LAIR1: variants seen among roughly 807,000 people sequenced by gnomAD.
LAIR1 encodes the protein leukocyte-associated immunoglobulin-like receptor 1.
LAIR1 carries 24 observed loss-of-function variants against 32.8 expected under a neutral mutation model. The observed-to-expected ratio is 0.73, with a 90% CI of 0.53 to 1.03. LAIR1 has a LOEUF of 1.03. Ranked by LOEUF, LAIR1 falls within the 50% of genes least tolerant of loss-of-function variation. LAIR1 has a pLI of 0.00. For synonymous variants in LAIR1, 150 were observed against 140.5 expected (o/e 1.07, Z -0.48); for missense variants, 355 against 347.5 (o/e 1.02, Z -0.17).
chr19:54,353,872 A>C lies in LAIR1; in HGVS notation c.*1396T>G, dbSNP rs2081589898. 1 of 138,204 alleles carries C rather than the reference A, an allele frequency of 7.2e-6. No homozygotes were observed. The highest frequency in any genetic ancestry group is 7.7e-5 in the Admixed American group (1 of 12,958). The allele number at this position is 138,204 out of a possible 1,614,324, so 8.6% of individuals were successfully genotyped here. On this transcript the variant is annotated 3_prime_UTR_variant, in exon 10 of 10. Transcript: ENST00000391742. ...CTCAGCCTCCCGAGTAGCTGGGACT[A>C]CAGGCACCCACCACCACACCCGGCT... is the stretch of plus-strand genomic sequence containing the variant.
chr19:54,360,750 G>T (rs1222002751), intron 3 of LAIR1, 166 bp downstream of exon 3: 4 of 492,150 alleles, frequency 8.1e-6, no homozygotes, highest in Non-Finnish European at 1.3e-5. Flanking sequence ...CAGGTGTGAG[G>T]GCAGAGGGGA....
At chr19:54,358,834 A>G (rs1257180488) in intron 4 of LAIR1, among the ~76,000 whole-genome samples, 1,887 of 142,842 alleles carry the variant, frequency 0.013, 54 homozygotes, top group African/African-American at 0.048. Context: ...TAGAGCCAGG[A>G]GGTGGCAGAA....
intron 4 of LAIR1, among the ~76,000 whole-genome samples, chr19:54,357,825 C>G (rs1458818480): frequency 6.6e-6 from 1 of 151,858 alleles, no homozygotes; most frequent in African/African-American, 2.4e-5. Flanking sequence ...GAATGTCCTT[C>G]CCTCCTGCCT....
In LAIR1 at chr19:54,360,954, C is replaced by T; in HGVS notation, c.326G>A (p.Trp109Ter). Residue 109 changes from tryptophan to a stop codon, truncating the protein, a stop_gained, in exon 3 of 10, where the codon TGG becomes TAG. Transcript: ENST00000391742. LOFTEE classifies it high-confidence loss of function. ...CTCCAGGTAGTCACTCTGCTCAGAC[C>T]ATTTAGGGGGCTTATAATAGATGCA... ...YRCIYYKPPK[W>*]SEQSDYLELL... The T allele has an allele frequency of 1.9e-6, 3 of 1,614,204 alleles. No homozygotes were observed. Among genetic ancestry groups the T allele is most frequent in the Non-Finnish European group, 2.5e-6 (3 of 1,180,034 alleles).
chr19:54,358,088 T>C (rs954225093), intron 4 of LAIR1: 1 of 147,682 alleles, frequency 6.8e-6, no homozygotes, highest in African/African-American at 2.5e-5. Context: ...TTGTATATGA[T>C]TTATAACTTA....
chr19:54,363,907 A>G (rs2082137980), intron 2 of LAIR1, among the ~76,000 whole-genome samples: 1 of 152,250 alleles, frequency 6.6e-6, no homozygotes, highest in Middle Eastern at 3.4e-3. Context: ...ATAATAATTT[A>G]TTGTATATTT....
At chr19:54,356,049 G>A (rs768179114) in intron 8 of LAIR1, 43 bp from the exon 9 acceptor site, 21 of 1,515,202 alleles carry the variant, frequency 1.4e-5, no homozygotes, top group East Asian at 6.8e-5. Flanking sequence ...GGAGGATGTC[G>A]CAAGGCAAAT....
At chr19:54,357,480 G>GATC (rs2081778075) in intron 4 of LAIR1, 1 of 152,938 alleles carries the variant, frequency 6.5e-6, no homozygotes, top group Non-Finnish European at 1.5e-5. Context: ...CCCTCTGACG[G>GATC]GGATGTAACC....
At chr19:54,373,457 T>C (rs1230444749), upstream of LAIR1, among the ~76,000 whole-genome samples, 1 of 151,862 alleles carries the variant, frequency 6.6e-6, no homozygotes, top group Non-Finnish European at 1.5e-5. Context: ...AATAAATAAA[T>C]AAATAAAATA....
At position 54,360,987 on chromosome 19, in the gene LAIR1, A is replaced by G. The variant is rs79046875; in HGVS notation, c.293T>C (p.Leu98Pro). The G allele has an allele frequency of 0.99, 1,596,014 of 1,614,234 alleles. 789,516 individuals are homozygous for G. The highest frequency in any genetic ancestry group is 1 in the Non-Finnish European group (1,179,166 of 1,180,040). Residue 98 changes from leucine to proline, a missense_variant, in exon 3 of 10, where the codon CTT (leucine) becomes CCT (proline). Physicochemically the swap from Leu to Pro is moderately conservative, Grantham distance 98 (BLOSUM62 -3). Coordinates refer to ENST00000391742, the MANE Select transcript of LAIR1 (RefSeq NM_002287.6). Reference sequence around the variant, plus strand: ...GGGCTTATAATAGATGCAGCGATAAAGCCCGGCATTTCCTTCTCTTACTGA... The same window carrying G: ...GGGCTTATAATAGATGCAGCGATAAGGCCCGGCATTTCCTTCTCTTACTGA... ...IDSVREGNAG[L>P]YRCIYYKPPK...
chr19:54,361,752 G>A (rs2082035384), intron 2 of LAIR1, among the ~76,000 whole-genome samples: 1 of 151,106 alleles, frequency 6.6e-6, no homozygotes, highest in Non-Finnish European at 1.5e-5. Flanking sequence ...GCTCACAGCA[G>A]ATGCCCAGCC....
chr19:54,359,913 GC>G, intron 4 of LAIR1, 108 bp downstream of exon 4: 1 of 383,084 alleles, frequency 2.6e-6, no homozygotes, highest in Admixed American at 3.7e-5. Flanking sequence ...CCTTCCCGTG[GC>G]CTCCCTAGAC....
rs2081552359 is a variant in LAIR1 at position 54,352,609 on chromosome 19, A to C, written c.*2659T>G. On this transcript the variant is annotated 3_prime_UTR_variant, in exon 10 of 10. Transcript: ENST00000391742. ...CTAAACTCTATCTGTCCTGCTTTCC[A>C]CTGTGACCTCACCACCTGAACTTCC... is the stretch of plus-strand genomic sequence containing the variant. The C allele has an allele frequency of 6.5e-6, 1 of 153,722 alleles. No homozygotes were observed. The highest frequency in any genetic ancestry group is 1.9e-4 in the East Asian group (1 of 5,190). 9.5% of individuals were successfully genotyped at this position (153,722 alleles called of 1,614,324 possible). A position where few individuals can be genotyped will look rare whatever the true frequency, so the allele number is the denominator to read the frequency against.
chr19:54,362,003 C>T lies in LAIR1; in HGVS notation c.71-794G>A, dbSNP rs1325410273. ...TGAGCGGGGCAGAGAGCTGGCAGGG[C>T]TTCAATTCACTCGTCCCGTCTTCAT... On this transcript the variant is annotated intron_variant, in intron 2 of 9. Transcript: ENST00000391742. 6.0e-5 allele frequency among the ~76,000 whole-genome samples: 9 copies of T among 151,236 alleles called. No homozygotes were observed. The East Asian group carries it at 9.7e-4, about 16-fold the overall frequency.
In LAIR1 at chr19:54,352,974, C is replaced by G. The variant is rs1362511814; in HGVS notation, c.*2294G>C. 1 of 152,064 alleles carries G rather than the reference C, an allele frequency of 6.6e-6. No homozygotes were observed. The highest frequency in any genetic ancestry group is 2.4e-5 in the African/African-American group (1 of 41,354). 9.4% of individuals were successfully genotyped at this position (152,064 alleles called of 1,614,324 possible). ...GGGAGTTCAAGACCAGCCTGAGCAA[C>G]ATGGAGAGCCCCCCGTCTCTAACAA... On this transcript the variant is annotated 3_prime_UTR_variant, in exon 10 of 10. Coordinates refer to ENST00000391742, the MANE Select transcript of LAIR1 (RefSeq NM_002287.6).
rs1346259005 is a variant in LAIR1, at chr19:54,364,757, C to T, written c.34+14G>A. 7 of 1,610,226 alleles carry T rather than the reference C, an allele frequency of 4.3e-6. No homozygotes were observed. The highest frequency in any genetic ancestry group is 3.3e-5 in the Admixed American group (2 of 59,740). On this transcript the variant is annotated intron_variant, in intron 1 of 9. Coordinates refer to ENST00000391742, the MANE Select transcript of LAIR1 (RefSeq NM_002287.6). This position sits in a 1 kb window ranked among gnomAD's most constrained non-coding sequence, Gnocchi z 4.8. ...GACCCCCTTTCCAGCCTCCCGGCTG[C>T]CTCCAGGACTCACCTAGGCCCAGGA...
chr19:54,356,330 C>T (rs770762884), intron 7 of LAIR1, 26 bp downstream of exon 7: 13 of 1,599,612 alleles, frequency 8.1e-6, no homozygotes, highest in South Asian at 1.1e-5. Context: ...GGGTGGAGGT[C>T]CAGGAGTCAT....
At chr19:54,361,925 G>T (rs2082044736) in intron 2 of LAIR1, among the ~76,000 whole-genome samples, 1 of 151,930 alleles carries the variant, frequency 6.6e-6, no homozygotes, top group Non-Finnish European at 1.5e-5. Flanking sequence ...GAGGAGGAAG[G>T]GCGGGTTTGA....
chr19:54,375,065 G>T (rs1004000353), upstream of LAIR1, among the ~76,000 whole-genome samples: 8 of 152,306 alleles, frequency 5.3e-5, no homozygotes, highest in East Asian at 3.9e-4. Context: ...TGCTCAGTAC[G>T]TCGCTCAAAA....
Sources: allele counts gnomAD v4.1 joint callset (sites outside exome capture counted in the v4.1 genomes callset), GRCh38; gene constraint gnomAD v4.1.1; non-coding constraint Gnocchi (gnomAD v3.1); transcripts MANE v1.5; gene names NCBI Gene and HGNC (gene_info 2026-07-23, HGNC 2026-07-21).